The following SYNDIG1L variants were observed in gnomAD, a reference collection of about 807,000 sequenced individuals.
The protein encoded by SYNDIG1L is synapse differentiation inducing 1 like, also known as synapse differentiation-inducing gene protein 1-like.
A neutral mutation model predicts 20.1 loss-of-function variants in SYNDIG1L; 13 were observed. The observed-to-expected ratio is 0.65, with a 90% CI of 0.42 to 1.03. The LOEUF is 1.03. SYNDIG1L is among the 50% of genes least tolerant of loss of function. SYNDIG1L has a pLI of 0.00. For synonymous variants in SYNDIG1L, 128 were observed against 129.3 expected (o/e 0.99, Z 0.07); for missense variants, 294 against 305.1 (o/e 0.96, Z 0.27).
At chr14:74,471,945 G>A in the SYNDIG1L span, 2 of 151,944 alleles carry the variant, frequency 1.3e-5, no homozygotes, top group South Asian at 2.1e-4. Flanking sequence ...GTAATCATAC[G>A]AAATTTATTA....
chr14:74,431,674 C>T, the SYNDIG1L span, among the ~76,000 whole-genome samples: 2 of 152,022 alleles, frequency 1.3e-5, no homozygotes, highest in African/African-American at 2.4e-5. Context: ...AGAAATCTTA[C>T]TCATCTGCAT....
intron 1 of SYNDIG1L, among the ~76,000 whole-genome samples, chr14:74,422,273 G>A (rs893076217): frequency 3.3e-5 from 5 of 152,128 alleles, no homozygotes; most frequent in African/African-American, 1.2e-4. Context: ...TAAGGCAGGA[G>A]GTAAGAGAAA....
chr14:74,460,088 A>G, the SYNDIG1L span, among the ~76,000 whole-genome samples: 1 of 151,756 alleles, frequency 6.6e-6, no homozygotes, highest in Non-Finnish European at 1.5e-5. Context: ...TCCTACAGAC[A>G]TGGCTTCCCT....
At chr14:74,440,785 A>T in the SYNDIG1L span, among the ~76,000 whole-genome samples, 1 of 152,212 alleles carries the variant, frequency 6.6e-6, no homozygotes, top group African/African-American at 2.4e-5. Context: ...TAAATGTACC[A>T]GGCAAACAGC....
At chr14:74,451,818 C>A in the SYNDIG1L span, among the ~76,000 whole-genome samples, 1 of 151,786 alleles carries the variant, frequency 6.6e-6, no homozygotes, top group African/African-American at 2.4e-5. Context: ...AGCAAAACCC[C>A]GTCTCTACTA....
chr14:74,444,127 G>A, the SYNDIG1L span, among the ~76,000 whole-genome samples: 2 of 152,070 alleles, frequency 1.3e-5, no homozygotes, highest in Non-Finnish European at 1.5e-5. Flanking sequence ...GAGTGTAATG[G>A]CGCGATCTCA....
chr14:74,460,279 T>C, the SYNDIG1L span, among the ~76,000 whole-genome samples: 1 of 152,220 alleles, frequency 6.6e-6, no homozygotes, highest in East Asian at 1.9e-4. Context: ...CGTGGATCCG[T>C]CTTGTTCACA....
chr14:74,454,645 A>G, the SYNDIG1L span, among the ~76,000 whole-genome samples: 1 of 152,236 alleles, frequency 6.6e-6, no homozygotes, highest in African/African-American at 2.4e-5. Context: ...CAACATAAGT[A>G]AACAAGCCTG....
At chr14:74,422,979 G>A (rs368502151) in intron 1 of SYNDIG1L, among the ~76,000 whole-genome samples, 103 of 152,196 alleles carry the variant, frequency 6.8e-4, no homozygotes, top group African/African-American at 2.0e-3. Context: ...GATTACAGAC[G>A]TGAGCCACTG....
In SYNDIG1L at chr14:74,407,448, G is replaced by A; in HGVS notation, c.*87C>T. The A allele has an allele frequency of 6.4e-7, 1 of 1,566,060 alleles. No individual in the cohort carries two copies. Among genetic ancestry groups the A allele is most frequent in the Non-Finnish European group, 8.7e-7 (1 of 1,152,776 alleles). On this transcript the variant is annotated 3_prime_UTR_variant, in exon 4 of 4. Coordinates refer to ENST00000331628, the MANE Select transcript of SYNDIG1L (RefSeq NM_001105579.2). ...CACTCTCACGGGATCATCTTCAGGGGCCGGGCCTTTCCATAGGGTCTGCAA... is the reference window on the plus strand; with the variant it reads ...CACTCTCACGGGATCATCTTCAGGGACCGGGCCTTTCCATAGGGTCTGCAA...
the SYNDIG1L span, among the ~76,000 whole-genome samples, chr14:74,439,841 T>G: frequency 6.9e-6 from 1 of 145,120 alleles, no homozygotes; most frequent in African/African-American, 2.6e-5. Flanking sequence ...ATCGTGCCAT[T>G]ACACTCCAGC....
chr14:74,474,708 T>A, the SYNDIG1L span: 1 of 152,162 alleles, frequency 6.6e-6, no homozygotes, highest in South Asian at 2.1e-4. Flanking sequence ...ACAGCTGGCT[T>A]CTAGAAGATG....
At chr14:74,408,181 C>A (rs896072114) in intron 2 of SYNDIG1L, among the ~76,000 whole-genome samples, 192 bp from the exon 3 acceptor site, 1 of 152,156 alleles carries the variant, frequency 6.6e-6, no homozygotes, top group Admixed American at 6.5e-5. Flanking sequence ...CACAATGATT[C>A]CACTTTTAGG....
the SYNDIG1L span, among the ~76,000 whole-genome samples, chr14:74,434,437 C>T: frequency 6.6e-6 from 1 of 151,940 alleles, no homozygotes; most frequent in Non-Finnish European, 1.5e-5. Flanking sequence ...GTTCTCCTTA[C>T]AGCCCTAGTG....
At chr14:74,445,643 T>G in the SYNDIG1L span, among the ~76,000 whole-genome samples, 3 of 152,116 alleles carry the variant, frequency 2.0e-5, no homozygotes, top group South Asian at 6.2e-4. Context: ...CCTGGCTAAT[T>G]TTTTTGTACT....
the SYNDIG1L span, among the ~76,000 whole-genome samples, chr14:74,465,992 C>T: frequency 6.6e-6 from 1 of 152,234 alleles, no homozygotes; most frequent in African/African-American, 2.4e-5. Context: ...GGAAGGCCAG[C>T]AGCAGCTACT....
At chr14:74,473,400 A>T in the SYNDIG1L span, among the ~76,000 whole-genome samples, 3 of 152,100 alleles carry the variant, frequency 2.0e-5, no homozygotes, top group Non-Finnish European at 4.4e-5. Flanking sequence ...TAAATAAATA[A>T]ATATATAAAT....
At chr14:74,456,404 C>T in the SYNDIG1L span, among the ~76,000 whole-genome samples, 1,155 of 152,214 alleles carry the variant, frequency 7.6e-3, 6 homozygotes, top group Non-Finnish European at 0.014. Context: ...GTGGTGCATG[C>T]CTGTAATCCC....
rs2086090329 is a variant in SYNDIG1L at position 74,407,241 on chromosome 14, A to AATGGATGG, written c.*286_*293dup. ...AGGAGATCCTCTAGGGAATGGGCAG[A>AATGGATGG]ATGGATGGAGCTAGGCCCTGCTGGG... On this transcript the variant is annotated 3_prime_UTR_variant, in exon 4 of 4. Coordinates refer to ENST00000331628, the MANE Select transcript of SYNDIG1L (RefSeq NM_001105579.2). The AATGGATGG allele has an allele frequency of 2.1e-6, 1 of 476,308 alleles. No homozygotes were observed. The highest frequency in any genetic ancestry group is 3.8e-6 in the Non-Finnish European group (1 of 264,680). 29.5% of individuals were successfully genotyped at this position (476,308 alleles called of 1,614,324 possible). A position where few individuals can be genotyped will look rare whatever the true frequency, so the allele number is the denominator to read the frequency against.
Sources: gnomAD v4.1 joint callset for allele counts (sites outside exome capture counted in the v4.1 genomes callset) on GRCh38, gnomAD v4.1.1 for gene constraint, MANE v1.5 for transcripts, NCBI Gene and HGNC (gene_info 2026-07-23, HGNC 2026-07-21) for gene names.